SLF1: variants seen among roughly 807,000 people sequenced by gnomAD.
SLF1 encodes the protein SMC5-SMC6 complex localization factor protein 1.
In SLF1, 105 loss-of-function variants were observed where a neutral mutation model predicts 123.0. The observed-to-expected ratio is 0.85, with a 90% CI of 0.73 to 1.00. The LOEUF (loss-of-function observed/expected upper bound fraction) is 1.00, where lower values mean the gene tolerates loss of function less well. SLF1 is among the 50% of genes least tolerant of loss of function. SLF1 has a pLI of 0.00. For synonymous variants in SLF1, 434 were observed against 406.6 expected (o/e 1.07, Z -0.81); for missense variants, 1,239 against 1,223.0 (o/e 1.01, Z -0.20).
At chr5:94,681,519 T>C (rs1010765451) in intron 15 of SLF1, among the ~76,000 whole-genome samples, 2 of 152,248 alleles carry the variant, frequency 1.3e-5, no homozygotes, top group Non-Finnish European at 2.9e-5. Flanking sequence ...TATTATACTT[T>C]AAGTTTTAGG....
rs1301706452 is a variant in SLF1 at position 94,663,873 on chromosome 5, T to C, written c.1333T>C (p.Cys445Arg). Residue 445 changes from cysteine (C) to arginine (R), a missense_variant, in exon 11 of 21, where the codon TGC (cysteine) becomes CGC (arginine). By Grantham distance (180) the Cys-to-Arg change is radical (BLOSUM62 -3). Coordinates refer to ENST00000265140, the MANE Select transcript of SLF1 (RefSeq NM_032290.4). ...TLQAHYIPPV[C>R]VLHALLENVL... ...GCAGGCACATTATATCCCTCCTGTA[T>C]GCGTTCTTCATGCCCTTCTAGAGAA... 6.5e-7 allele frequency: 1 copy of C among 1,546,340 alleles called. No individual in the cohort carries two copies. Among genetic ancestry groups the C allele is most frequent in the Non-Finnish European group, 8.7e-7 (1 of 1,145,432 alleles).
intron 15 of SLF1, 68 bp downstream of exon 15, chr5:94,679,023 A>G: frequency 6.4e-7 from 1 of 1,559,808 alleles, no homozygotes; most frequent in Non-Finnish European, 8.7e-7. Context: ...TCTTTTAAGC[A>G]GTCTGTAAGC....
chr5:94,661,089 C>T (rs1175974074), intron 9 of SLF1, among the ~76,000 whole-genome samples: 3 of 152,096 alleles, frequency 2.0e-5, no homozygotes, highest in East Asian at 1.9e-4. Flanking sequence ...CTCTACCTGG[C>T]GCCATGCTGC....
chr5:94,649,879 T>C (rs1233085902), intron 6 of SLF1, among the ~76,000 whole-genome samples: 1 of 152,142 alleles, frequency 6.6e-6, no homozygotes, highest in Non-Finnish European at 1.5e-5. Flanking sequence ...TTAGGTAACT[T>C]ACTTATGTTT....
At chr5:94,653,870 C>T (rs1340266104) in intron 8 of SLF1, among the ~76,000 whole-genome samples, 3 of 147,918 alleles carry the variant, frequency 2.0e-5, no homozygotes, top group South Asian at 2.1e-4. Flanking sequence ...TTTTTTTTAA[C>T]GATCTAAACC....
chr5:94,631,970 CTTTTTT>C (rs1021934536), intron 4 of SLF1, among the ~76,000 whole-genome samples: 1 of 108,788 alleles, frequency 9.2e-6, no homozygotes, highest in African/African-American at 3.3e-5. Context: ...TTTTTTCTTT[CTTTTTT>C]TTTTTTTTTT....
intron 4 of SLF1, among the ~76,000 whole-genome samples, chr5:94,642,003 G>T (rs185204136): frequency 2.7e-5 from 4 of 147,814 alleles, no homozygotes; most frequent in East Asian, 1.9e-4. Context: ...TCCGGAAACA[G>T]TGGGTATTTT....
Position 94,654,764 on chromosome 5 carries a change from C to A in SLF1, c.1155+12C>A, listed in dbSNP as rs767678072. On this transcript the variant is annotated intron_variant, in intron 9 of 20. Coordinates refer to ENST00000265140, the MANE Select transcript of SLF1 (RefSeq NM_032290.4). ...TATATAGAGCTCAGGTAAAACTTGG[C>A]ACATGAAAAATTTTGTATAATATCG... The A allele has an allele frequency of 2.2e-5, 33 of 1,481,266 alleles. No homozygotes were observed. The highest frequency in any genetic ancestry group is 2.6e-5 in the Non-Finnish European group (29 of 1,116,414). The allele number at this position is 1,481,266 out of a possible 1,614,324, so 91.8% of individuals were successfully genotyped here.
intron 5 of SLF1, among the ~76,000 whole-genome samples, chr5:94,644,184 A>G (rs1746752025): frequency 6.6e-6 from 1 of 152,158 alleles, no homozygotes; most frequent in African/African-American, 2.4e-5. Flanking sequence ...GCACTTCTGT[A>G]CTAACATCAT....
Position 94,694,838 on chromosome 5 carries a change from G to A in SLF1, c.2703G>A (p.Val901=). ...TGCATTTTCTTTTCACAGGCCCAGT[G>A]CTTTTACAACAGAGGAATGCTAAGG... The part of the protein sequence containing the change: ...GKLLLQHGGP[V]LLQQRNAKGE... Residue 901 remains valine, a synonymous_variant, in exon 21 of 21, where the codon GTG becomes GTA. Coordinates refer to ENST00000265140, the MANE Select transcript of SLF1 (RefSeq NM_032290.4). The A allele has an allele frequency of 1.3e-6, 2 of 1,561,470 alleles. No individual in the cohort carries two copies. Among genetic ancestry groups the A allele is most frequent in the Non-Finnish European group, 1.7e-6 (2 of 1,157,696 alleles).
At chr5:94,646,723 A>G (rs969659225) in intron 5 of SLF1, among the ~76,000 whole-genome samples, 19 of 152,286 alleles carry the variant, frequency 1.2e-4, no homozygotes, top group Admixed American at 3.3e-4. Context: ...TTTTTGAGCC[A>G]GATCAACTAA....
Position 94,671,008 on chromosome 5 carries a change from TG to T in SLF1, c.1827+1del, listed in dbSNP as rs1750373656. 6.6e-7 allele frequency: 1 copy of T among 1,517,164 alleles called. No homozygotes were observed. Among genetic ancestry groups the T allele is most frequent in the African/African-American group, 1.4e-5 (1 of 72,156 alleles). 94.0% of individuals were successfully genotyped at this position (1,517,164 alleles called of 1,614,324 possible). ...ACAAGGAAAAATTCAAGTCTAATGATGTAAGTAGGATTAATTTATAGATGAA... is the reference window on the plus strand; with the variant it reads ...ACAAGGAAAAATTCAAGTCTAATGATTAAGTAGGATTAATTTATAGATGAA... On this transcript the variant is annotated splice_donor_variant, in intron 14 of 20. Coordinates refer to ENST00000265140, the MANE Select transcript of SLF1 (RefSeq NM_032290.4). LOFTEE classifies it high-confidence loss of function.
chr5:94,638,599 A>G (rs1746082963), intron 4 of SLF1, among the ~76,000 whole-genome samples: 2 of 152,188 alleles, frequency 1.3e-5, no homozygotes, highest in Admixed American at 1.3e-4. Flanking sequence ...TAAAAGCTCA[A>G]TGCCTGCCTC....
At chr5:94,658,047 GTTA>G (rs1202671733) in intron 9 of SLF1, among the ~76,000 whole-genome samples, 2 of 151,840 alleles carry the variant, frequency 1.3e-5, no homozygotes, top group Non-Finnish European at 2.9e-5. Context: ...TACATTCAAG[GTTA>G]TTATGGGTGA....
At chr5:94,655,031 T>G (rs66518525) in intron 9 of SLF1, among the ~76,000 whole-genome samples, 33,887 of 152,152 alleles carry the variant, frequency 0.22, 3,898 homozygotes, top group East Asian at 0.34. Flanking sequence ...CCCCGAAGTG[T>G]TTCCCCTGTG....
intron 12 of SLF1, among the ~76,000 whole-genome samples, chr5:94,667,316 G>A (rs1749891409): frequency 6.6e-6 from 1 of 152,196 alleles, no homozygotes; most frequent in Non-Finnish European, 1.5e-5. Flanking sequence ...GGTATATGAT[G>A]TGAGAAAATA....
At chr5:94,631,172 G>T (rs1172522597) in intron 4 of SLF1, among the ~76,000 whole-genome samples, 1 of 151,396 alleles carries the variant, frequency 6.6e-6, no homozygotes, top group Non-Finnish European at 1.5e-5. Context: ...ATTTTTAAAA[G>T]CTTTTTTATT....
chr5:94,660,067 CT>C (rs1041367624), intron 9 of SLF1, among the ~76,000 whole-genome samples: 3 of 152,276 alleles, frequency 2.0e-5, no homozygotes, highest in African/African-American at 7.2e-5. Context: ...CTCCTGGTAG[CT>C]GGTGTGATGG....
chr5:94,657,018 TAATA>T (rs935537851), intron 9 of SLF1, among the ~76,000 whole-genome samples: 11 of 149,052 alleles, frequency 7.4e-5, no homozygotes, highest in African/African-American at 2.4e-4. Flanking sequence ...TATATATCTT[TAATA>T]AATATTTATT....
Sources: allele counts gnomAD v4.1 joint callset (sites outside exome capture counted in the v4.1 genomes callset), GRCh38; gene constraint gnomAD v4.1.1; transcripts MANE v1.5; gene names NCBI Gene and HGNC (gene_info 2026-07-23, HGNC 2026-07-21).